The following DOCK1 variants were observed in gnomAD, a reference collection of about 807,000 sequenced individuals.
DOCK1 encodes dedicator of cytokinesis 1.
DOCK1 carries 138 observed loss-of-function variants against 262.7 expected under a neutral mutation model. The ratio of observed to expected loss-of-function variants is 0.53; its 90% CI spans 0.46 to 0.61. DOCK1 has a LOEUF of 0.61. Among genes scored for constraint, DOCK1 ranks in the 20% least tolerant of loss-of-function variants. The pLI is 0.00. For synonymous variants in DOCK1, 866 were observed against 867.4 expected (o/e 1.00, Z 0.03); for missense variants, 1,908 against 2,370.7 (o/e 0.80, Z 4.05).
chr10:127,371,172 C>T (rs998576730), intron 33 of DOCK1, among the ~76,000 whole-genome samples: 4 of 152,222 alleles, frequency 2.6e-5, no homozygotes, highest in African/African-American at 9.6e-5. Flanking sequence ...TCATAGCACA[C>T]TAGCGAATCA....
chr10:127,367,154 A>G (rs1291162034), intron 33 of DOCK1, among the ~76,000 whole-genome samples: 3 of 152,226 alleles, frequency 2.0e-5, no homozygotes, highest in South Asian at 2.1e-4. Flanking sequence ...TTTTAAAAGC[A>G]TGTGTTACAA....
chr10:127,072,711 G>A (rs199536080), intron 23 of DOCK1, among the ~76,000 whole-genome samples: 11 of 152,210 alleles, frequency 7.2e-5, no homozygotes, highest in East Asian at 1.9e-4. Context: ...CCTTCTGTTC[G>A]TGCAGTACTC....
Position 127,444,111 on chromosome 10 carries a change from G to T in DOCK1, c.5260-15G>T. ...AACAGACCGTAACTGTGCTCTTTCT[G>T]TCCTTTTGATGTAGATAAGTCCCCT... is the stretch of plus-strand genomic sequence containing the variant. On this transcript the variant is annotated splice_polypyrimidine_tract_variant and intron_variant, in intron 49 of 51. Transcript: ENST00000623213. 6.4e-7 allele frequency: 1 copy of T among 1,553,056 alleles called. No homozygotes were observed. Among genetic ancestry groups the T allele is most frequent in the South Asian group, 1.2e-5 (1 of 84,096 alleles).
rs542788184 is a variant in DOCK1 at position 127,104,690 on chromosome 10, G to A, written c.2446-1541G>A. Reference sequence around the variant, plus strand: ...ATTGCAATTCCTTGAAGTATCTGGCGTGAATGTTATTTTCCCTCTTACTTA... The same window carrying A: ...ATTGCAATTCCTTGAAGTATCTGGCATGAATGTTATTTTCCCTCTTACTTA... On this transcript the variant is annotated intron_variant, in intron 23 of 51. Transcript: ENST00000623213. Among the ~76,000 whole-genome samples the A allele has an allele frequency of 1.3e-4, 20 of 152,240 alleles. No individual in the cohort carries two copies. The South Asian group carries it at 1.5e-3, about 11-fold the overall frequency.
chr10:127,141,956 G>A (rs1044206673), intron 27 of DOCK1, among the ~76,000 whole-genome samples: 2 of 152,142 alleles, frequency 1.3e-5, no homozygotes, highest in Non-Finnish European at 1.5e-5. Flanking sequence ...CCCATGCCAC[G>A]GTCCCCTCCT....
intron 1 of DOCK1, among the ~76,000 whole-genome samples, chr10:126,910,668 A>G (rs1034284777): frequency 1.3e-5 from 2 of 152,240 alleles, no homozygotes; most frequent in African/African-American, 4.8e-5. Context: ...CACGACTGGG[A>G]TATTGACATC....
chr10:127,164,618 A>G (rs1361967677), intron 27 of DOCK1, among the ~76,000 whole-genome samples: 16 of 152,238 alleles, frequency 1.1e-4, no homozygotes, highest in Admixed American at 1.0e-3. Context: ...ATTGTCAGAA[A>G]TACATGCAGA....
chr10:127,069,094 C>G (rs940381016), intron 23 of DOCK1, among the ~76,000 whole-genome samples: 3 of 152,298 alleles, frequency 2.0e-5, no homozygotes, highest in Admixed American at 2.0e-4. Context: ...ATGATCAAGG[C>G]GATTAGGGCT....
intron 23 of DOCK1, among the ~76,000 whole-genome samples, 175 bp downstream of exon 23, chr10:127,061,951 T>G (rs1244930094): frequency 1.3e-5 from 2 of 148,456 alleles, no homozygotes; most frequent in Non-Finnish European, 3.0e-5. Context: ...TTTTTTTTTT[T>G]TTTGAGACAG....
intron 29 of DOCK1, among the ~76,000 whole-genome samples, chr10:127,293,785 T>A (rs1301809228): frequency 6.6e-6 from 1 of 152,216 alleles, no homozygotes; most frequent in African/African-American, 2.4e-5. Flanking sequence ...ACTGTGTATT[T>A]GTGGGATGCT....
chr10:127,042,981 CAG>C (rs144019822), intron 20 of DOCK1, 81 bp from the exon 21 acceptor site: 149,465 of 1,097,962 alleles, frequency 0.14, 10,781 homozygotes, highest in Admixed American at 0.16. Context: ...TATCCTAACA[CAG>C]GGGTGCAGAT....
chr10:127,048,129 C>T (rs1022623533), intron 21 of DOCK1, among the ~76,000 whole-genome samples: 1 of 152,272 alleles, frequency 6.6e-6, no homozygotes, highest in Non-Finnish European at 1.5e-5. Flanking sequence ...GCATTCCCAC[C>T]AGCAATCTGT....
chr10:127,364,854 T>G (rs988228073), intron 33 of DOCK1, among the ~76,000 whole-genome samples: 1 of 151,692 alleles, frequency 6.6e-6, no homozygotes. Flanking sequence ...CTTCCTTCTT[T>G]CCTCCCGTTC....
intron 27 of DOCK1, among the ~76,000 whole-genome samples, chr10:127,188,235 T>C (rs2056456097): frequency 6.6e-6 from 1 of 152,202 alleles, no homozygotes; most frequent in African/African-American, 2.4e-5. Flanking sequence ...GGTGGATTCA[T>C]GTTCCACAGA....
chr10:127,420,684 A>G (rs2068448385), intron 46 of DOCK1, among the ~76,000 whole-genome samples: 1 of 151,966 alleles, frequency 6.6e-6, no homozygotes, highest in South Asian at 2.1e-4. Context: ...AGGGCAAGAT[A>G]CAAAATTAGC....
intron 25 of DOCK1, among the ~76,000 whole-genome samples, chr10:127,115,402 C>T (rs1176707381): frequency 6.6e-6 from 1 of 152,194 alleles, no homozygotes; most frequent in East Asian, 1.9e-4. Flanking sequence ...TGATAGATTA[C>T]ATGCTTCACC....
chr10:127,216,877 C>T (rs1339638715), intron 27 of DOCK1, among the ~76,000 whole-genome samples: 1 of 152,100 alleles, frequency 6.6e-6, no homozygotes, highest in Non-Finnish European at 1.5e-5. Flanking sequence ...ACAGATGTGA[C>T]TTTTTCTTTT....
chr10:126,944,411 C>G (rs2035241249), intron 1 of DOCK1, among the ~76,000 whole-genome samples: 1 of 151,946 alleles, frequency 6.6e-6, no homozygotes, highest in African/African-American at 2.4e-5. Flanking sequence ...TGCAAGCGGA[C>G]CTGCCGAGGC....
intron 29 of DOCK1, among the ~76,000 whole-genome samples, chr10:127,335,327 G>A (rs61381014): frequency 1.4e-4 from 21 of 152,140 alleles, no homozygotes; most frequent in Non-Finnish European, 2.5e-4. Flanking sequence ...ACACGCCCTC[G>A]AATTGCCTGC....
Sources: gnomAD v4.1 joint callset for allele counts (sites outside exome capture counted in the v4.1 genomes callset) on GRCh38, gnomAD v4.1.1 for gene constraint, MANE v1.5 for transcripts, NCBI Gene and HGNC (gene_info 2026-07-23, HGNC 2026-07-21) for gene names.